The following AGMO variants were observed in gnomAD, a reference collection of about 807,000 sequenced individuals.
The protein encoded by AGMO is glyceryl-ether monooxygenase.
A neutral mutation model predicts 60.2 loss-of-function variants in AGMO; 75 were observed. The ratio of observed to expected loss-of-function variants is 1.25; its 90% CI spans 1.03 to 1.51. The LOEUF (loss-of-function observed/expected upper bound fraction) is 1.51, where lower values mean the gene tolerates loss of function less well. Ranked by LOEUF, AGMO falls within the 40% of genes most tolerant of loss-of-function variation. AGMO has a pLI of 0.00. For missense variants in AGMO, 763 were observed against 525.5 expected (o/e 1.45, Z -4.42); for synonymous variants, 261 against 177.1 (o/e 1.47, Z -3.76).
At chr7:15,166,273 G>T in the AGMO span, among the ~76,000 whole-genome samples, 1 of 152,162 alleles carries the variant, frequency 6.6e-6, no homozygotes, top group African/African-American at 2.4e-5. Flanking sequence ...AAAGACTTGA[G>T]ATGAATGAAG....
chr7:15,357,773 T>C (rs983097005), intron 12 of AGMO, among the ~76,000 whole-genome samples: 3 of 152,184 alleles, frequency 2.0e-5, no homozygotes, highest in African/African-American at 7.2e-5. Context: ...CTGAGCTGAT[T>C]ATGTGGAATA....
chr7:15,356,077 A>T (rs1782519806), intron 12 of AGMO, among the ~76,000 whole-genome samples: 1 of 152,232 alleles, frequency 6.6e-6, no homozygotes, highest in Non-Finnish European at 1.5e-5. Context: ...TCTGACAATT[A>T]CAACTTCGGT....
At chr7:15,400,082 C>T (rs1044311760) in intron 5 of AGMO, among the ~76,000 whole-genome samples, 2 of 152,142 alleles carry the variant, frequency 1.3e-5, no homozygotes, top group African/African-American at 4.8e-5. Context: ...TTTCATTTCT[C>T]ATACTATATT....
chr7:15,235,876 T>A (rs1782403362), intron 12 of AGMO, among the ~76,000 whole-genome samples: 1 of 152,170 alleles, frequency 6.6e-6, no homozygotes, highest in Non-Finnish European at 1.5e-5. Flanking sequence ...AAAATTTGCA[T>A]CATTTTCTTT....
chr7:15,320,652 T>G (rs1477311159), intron 12 of AGMO, among the ~76,000 whole-genome samples: 1 of 152,188 alleles, frequency 6.6e-6, no homozygotes, highest in Non-Finnish European at 1.5e-5. Flanking sequence ...TTTTTTCATA[T>G]TTGTTTATCC....
At chr7:15,441,529 T>A (rs1781553826) in intron 3 of AGMO, among the ~76,000 whole-genome samples, 1 of 152,126 alleles carries the variant, frequency 6.6e-6, no homozygotes, top group South Asian at 2.1e-4. Flanking sequence ...TCCAAAGTAT[T>A]TAATGACATA....
At chr7:15,241,402 G>A (rs1290494283) in intron 12 of AGMO, among the ~76,000 whole-genome samples, 4 of 140,688 alleles carry the variant, frequency 2.8e-5, no homozygotes, top group Non-Finnish European at 6.1e-5. Flanking sequence ...GGAGCTTGCA[G>A]TGAGCCGGGA....
At chr7:15,504,740 AAAAGTTGG>A (rs1783467208) in intron 3 of AGMO, among the ~76,000 whole-genome samples, 1 of 151,800 alleles carries the variant, frequency 6.6e-6, no homozygotes, top group Admixed American at 6.6e-5. Flanking sequence ...GGTTAAAAAA[AAAAGTTGG>A]CAAGAAAGGT....
intron 12 of AGMO, among the ~76,000 whole-genome samples, chr7:15,219,045 T>C (rs893100640): frequency 3.9e-5 from 6 of 152,312 alleles, no homozygotes; most frequent in African/African-American, 7.2e-5. Context: ...AGAGAAAGTA[T>C]TGTAGCTTCA....
intron 12 of AGMO, among the ~76,000 whole-genome samples, chr7:15,322,500 A>G (rs769056454): frequency 0.022 from 1,604 of 74,492 alleles, 79 homozygotes; most frequent in East Asian, 0.043. Flanking sequence ...ATATATAAAT[A>G]TATAAATATA....
At chr7:15,187,833 G>C in the AGMO span, among the ~76,000 whole-genome samples, 133 of 152,096 alleles carry the variant, frequency 8.7e-4, 1 homozygote, top group African/African-American at 2.9e-3. Flanking sequence ...TTTTCCTCTT[G>C]TCTTGTTGGT....
intron 2 of AGMO, among the ~76,000 whole-genome samples, chr7:15,557,464 G>A (rs1000301192): frequency 2.6e-5 from 4 of 151,992 alleles, no homozygotes; most frequent in African/African-American, 9.7e-5. Flanking sequence ...GATTCCCCTT[G>A]ATGCTGTGGC....
At chr7:15,423,678 A>G in intron 4 of AGMO, among the ~76,000 whole-genome samples, 1 of 84,988 alleles carries the variant, frequency 1.2e-5, no homozygotes, top group South Asian at 3.5e-4. Flanking sequence ...ATATACAGGG[A>G]AAATTTAGAC....
rs369283425 is a variant in AGMO at position 15,365,537 on chromosome 7, G to A, written c.1240C>T (p.Pro414Ser). 33 of 1,612,354 alleles carry A rather than the reference G, an allele frequency of 2.0e-5. No homozygotes were observed. The highest frequency in any genetic ancestry group is 2.0e-4 in the African/African-American group (15 of 74,794). Residue 414 changes from proline to serine, a missense_variant, in exon 12 of 13, where the codon CCT becomes TCT. Pro to Ser is a moderately conservative substitution (Grantham distance 74). Coordinates refer to ENST00000342526, the MANE Select transcript of AGMO (RefSeq NM_001004320.2). ...YRFGHLKPLV[P>S]SLSSAFEIVF... ...ACCTCAAAAGCAGATGACAATGAAG[G>A]GACAAGAGGCTTCAGGTGACCAAAT...
intron 12 of AGMO, among the ~76,000 whole-genome samples, chr7:15,208,526 G>C (rs185502141): frequency 2.3e-4 from 35 of 152,258 alleles, no homozygotes; most frequent in African/African-American, 7.9e-4. Context: ...AATAAAACAA[G>C]AGCAGAAAAA....
At chr7:15,360,908 T>C (rs1486256832) in intron 12 of AGMO, among the ~76,000 whole-genome samples, 1 of 150,654 alleles carries the variant, frequency 6.6e-6, no homozygotes. Flanking sequence ...GTTATGATCC[T>C]CATGAAAATA....
intron 3 of AGMO, among the ~76,000 whole-genome samples, chr7:15,537,381 G>A (rs945605007): frequency 6.6e-6 from 1 of 152,052 alleles, no homozygotes; most frequent in African/African-American, 2.4e-5. Context: ...TTTCTGCAAT[G>A]TAAGAGTTAA....
chr7:15,489,260 G>A (rs551177364), intron 3 of AGMO, among the ~76,000 whole-genome samples: 153 of 152,188 alleles, frequency 1.0e-3, no homozygotes, highest in African/African-American at 3.3e-3. Context: ...CCTTTATGGG[G>A]GCAGGGGAGA....
At chr7:15,230,478 G>T (rs1290878906) in intron 12 of AGMO, among the ~76,000 whole-genome samples, 1 of 152,146 alleles carries the variant, frequency 6.6e-6, no homozygotes, top group Non-Finnish European at 1.5e-5. Context: ...AAGTCCTACA[G>T]GGGAAGCTCC....
Sources: gnomAD v4.1 joint callset for allele counts (sites outside exome capture counted in the v4.1 genomes callset) on GRCh38, gnomAD v4.1.1 for gene constraint, MANE v1.5 for transcripts, NCBI Gene and HGNC (gene_info 2026-07-23, HGNC 2026-07-21) for gene names.